The following MEGF8 variants were observed in gnomAD, a reference collection of about 807,000 sequenced individuals.
MEGF8 encodes multiple EGF like domains 8, also known as multiple epidermal growth factor-like domains protein 8.
MEGF8 carries 156 observed loss-of-function variants against 302.9 expected under a neutral mutation model. That is an observed-to-expected ratio of 0.52 (90% CI 0.45 to 0.59). MEGF8 has a LOEUF of 0.59. Among genes scored for constraint, MEGF8 ranks in the 20% least tolerant of loss-of-function variants. MEGF8 has a pLI of 0.00. For synonymous variants in MEGF8, 1,621 were observed against 1,660.5 expected, an observed-to-expected ratio of 0.98 and a Z score of 0.58; for missense variants, 3,345 against 3,964.5, an observed-to-expected ratio of 0.84 and a Z score of 4.20.
intron 35 of MEGF8, among the ~76,000 whole-genome samples, chr19:42,365,272 T>C (rs1676215): frequency 0.084 from 12,737 of 152,058 alleles, 682 homozygotes; most frequent in Middle Eastern, 0.17. Context: ...CTCTCGGTGC[T>C]TGCCAAGTTC....
chr19:42,341,447 A>G (rs1038553071), intron 8 of MEGF8, among the ~76,000 whole-genome samples: 8 of 151,646 alleles, frequency 5.3e-5, no homozygotes, highest in Admixed American at 3.3e-4. Context: ...AAAAAAAAAA[A>G]AAACACACAT....
In MEGF8 at chr19:42,375,562, A is replaced by C. The variant is rs759121016; in HGVS notation, c.7325A>C (p.Tyr2442Ser). 1.3e-6 allele frequency: 2 copies of C among 1,594,488 alleles called. No homozygotes were observed. Among genetic ancestry groups the C allele is most frequent in the Non-Finnish European group, 1.7e-6 (2 of 1,171,924 alleles). Residue 2442 changes from tyrosine (Y) to serine (S), a missense_variant, in exon 42 of 42, where the codon TAC (tyrosine) becomes TCC (serine). Coordinates refer to ENST00000251268, the MANE Select transcript of MEGF8 (RefSeq NM_001271938.2). This position sits in a 1 kb window ranked among gnomAD's most constrained non-coding sequence, Gnocchi z 7.1. ...AGTCCGCTGGGCGGCCAGCAGTGCT[A>C]CCGCCTCATCTCGGTGGAGCAGGAG... ...HGSPLGGQQC[Y>S]RLISVEQECC...
intron 1 of MEGF8, among the ~76,000 whole-genome samples, chr19:42,329,745 G>T (rs1043551738): frequency 3.3e-5 from 5 of 151,942 alleles, no homozygotes; most frequent in Non-Finnish European, 7.4e-5. Context: ...GGTGGCATGT[G>T]CCTATAGCTC....
At position 42,369,800 on chromosome 19, in the gene MEGF8, T is replaced by C; in HGVS notation, c.6834+77T>C. 7.0e-7 allele frequency: 1 copy of C among 1,434,848 alleles called. No homozygotes were observed. Among genetic ancestry groups the C allele is most frequent in the Non-Finnish European group, 9.4e-7 (1 of 1,067,500 alleles). 88.9% of individuals were successfully genotyped at this position (1,434,848 alleles called of 1,614,324 possible). A position where few individuals can be genotyped will look rare whatever the true frequency, so the allele number is the denominator to read the frequency against. On this transcript the variant is annotated intron_variant, in intron 38 of 41. Coordinates refer to ENST00000251268, the MANE Select transcript of MEGF8 (RefSeq NM_001271938.2). This position sits in a 1 kb window ranked among gnomAD's most constrained non-coding sequence, Gnocchi z 5.7. Reference sequence around the variant, plus strand: ...TGCCTTCATCCCACGCTCAGGCGGCTCGCATCTCATCCTGAGCCCTGATAA... The same window carrying C: ...TGCCTTCATCCCACGCTCAGGCGGCCCGCATCTCATCCTGAGCCCTGATAA...
chr19:42,339,756 C>T (rs1187773869), intron 8 of MEGF8, among the ~76,000 whole-genome samples: 1 of 152,166 alleles, frequency 6.6e-6, no homozygotes, highest in Admixed American at 6.6e-5. Flanking sequence ...AAACAACAAT[C>T]TGTATAAAAC....
Position 42,368,844 on chromosome 19 carries a change from G to T in MEGF8, c.6483G>T (p.Gly2161=). 6.2e-7 allele frequency: 1 copy of T among 1,613,516 alleles called. No homozygotes were observed. The highest frequency in any genetic ancestry group is 8.5e-7 in the Non-Finnish European group (1 of 1,179,734). ...MEGGLSGPRD[G]LTCGRPGASW... Reference sequence around the variant, plus strand: ...AAAATGCTATATCCCCGGTGCTAGGGCTGACATGTGGGCGTCCGGGGGCCT... The same window carrying T: ...AAAATGCTATATCCCCGGTGCTAGGTCTGACATGTGGGCGTCCGGGGGCCT... Residue 2161 remains glycine, a splice_region_variant and synonymous_variant, in exon 37 of 42, where the codon GGG becomes GGT. Coordinates refer to ENST00000251268, the MANE Select transcript of MEGF8 (RefSeq NM_001271938.2). The surrounding 1 kb of genome is among the most constrained non-coding windows in gnomAD (Gnocchi z 4.9).
rs1336609640 is a variant in MEGF8 at position 42,352,791 on chromosome 19, A to G, written c.3351-137A>G. On this transcript the variant is annotated intron_variant, in intron 19 of 41. Coordinates refer to ENST00000251268, the MANE Select transcript of MEGF8 (RefSeq NM_001271938.2). The surrounding 1 kb of genome is among the most constrained non-coding windows in gnomAD (Gnocchi z 4.4). ...GGTGATGCATGGAGTTACCTTGGAG[A>G]CAGGGTCACCCACATAGCCCAAAAC... 5.8e-6 allele frequency: 4 copies of G among 690,744 alleles called. No homozygotes were observed. In the East Asian group the frequency reaches 1.1e-4, roughly 19 times the overall value. 42.8% of individuals were successfully genotyped at this position (690,744 alleles called of 1,614,324 possible).
rs1232752544 is a variant in MEGF8 at position 42,375,401 on chromosome 19, C to A, written c.7270-106C>A. The A allele has an allele frequency of 6.0e-6, 7 of 1,171,336 alleles. No homozygotes were observed. Among genetic ancestry groups the A allele is most frequent in the Non-Finnish European group, 8.2e-6 (7 of 852,286 alleles). The allele number at this position is 1,171,336 out of a possible 1,614,324, so 72.6% of individuals were successfully genotyped here. On this transcript the variant is annotated intron_variant, in intron 41 of 41. Transcript: ENST00000251268. The surrounding 1 kb of genome is among the most constrained non-coding windows in gnomAD (Gnocchi z 7.1). ...GGGGCAGTGGGGGTGAGGCCCAGGG[C>A]AATGGCTACTTAGCAGTGGGTATAG...
intron 8 of MEGF8, 102 bp downstream of exon 8, chr19:42,337,308 A>G: frequency 6.5e-7 from 1 of 1,528,520 alleles, no homozygotes; most frequent in Non-Finnish European, 8.9e-7. Context: ...TGAGCCTGAC[A>G]TCCAGGCCAG....
intron 41 of MEGF8, 36 bp downstream of exon 41, chr19:42,371,518 C>T (rs1342256564): frequency 6.2e-7 from 1 of 1,612,818 alleles, no homozygotes; most frequent in Non-Finnish European, 8.5e-7. Flanking sequence ...GCCGAGGGCC[C>T]TACACCTTGT....
Position 42,348,470 on chromosome 19 carries a change from A to G in MEGF8, c.2296A>G (p.Met766Val). ...RMARGPDTEN[M>V]EEVGRWVAHQ... ...GGCCCGTGGCCCTGACACGGAGAAC[A>G]TGGTGAGGCCGCCTGGGACATTCAG... The change falls in exon 13 of 42, where the codon ATG becomes GTG. Residue 766 changes from methionine to valine, a missense_variant and splice_region_variant. Transcript: ENST00000251268. 1.3e-6 allele frequency: 2 copies of G among 1,516,360 alleles called. No individual in the cohort carries two copies. Among genetic ancestry groups the G allele is most frequent in the South Asian group, 1.2e-5 (1 of 82,920 alleles). The allele number at this position is 1,516,360 out of a possible 1,614,324, so 93.9% of individuals were successfully genotyped here.
intron 35 of MEGF8, among the ~76,000 whole-genome samples, chr19:42,367,401 G>C (rs1172445684): frequency 6.6e-6 from 1 of 150,838 alleles, no homozygotes; most frequent in East Asian, 2.0e-4. Flanking sequence ...CCATTCTCCT[G>C]CCTCAGCCTC....
intron 8 of MEGF8, among the ~76,000 whole-genome samples, chr19:42,338,265 A>G (rs1408835724): frequency 1.4e-5 from 2 of 146,118 alleles, no homozygotes; most frequent in Non-Finnish European, 3.0e-5. Flanking sequence ...TTGGGGATGG[A>G]GTCTTACTGT....
chr19:42,352,159 G>T lies in MEGF8; in HGVS notation c.3102-49G>T. 6.8e-7 allele frequency: 1 copy of T among 1,467,426 alleles called. No individual in the cohort carries two copies. Among genetic ancestry groups the T allele is most frequent in the Non-Finnish European group, 9.0e-7 (1 of 1,105,940 alleles). The allele number at this position is 1,467,426 out of a possible 1,614,324, so 90.9% of individuals were successfully genotyped here. A position where few individuals can be genotyped will look rare whatever the true frequency, so the allele number is the denominator to read the frequency against. On this transcript the variant is annotated intron_variant, in intron 18 of 41. Transcript: ENST00000251268. The surrounding 1 kb of genome is among the most constrained non-coding windows in gnomAD (Gnocchi z 4.4). The stretch of plus-strand genomic sequence containing the variant: ...CTCCCTGTCATTGTTTCTATGTATG[G>T]CTCCTGTTTCTATGTTGTCCCCCGC...
At chr19:42,370,676 G>A (rs1370386351) in intron 39 of MEGF8, 25 bp from the exon 40 acceptor site, 1 of 1,585,670 alleles carries the variant, frequency 6.3e-7, no homozygotes, top group Non-Finnish European at 8.6e-7. Flanking sequence ...GCCTTTCTAT[G>A]ATCACACTGT....
At chr19:42,364,335 C>T (rs149757429) in intron 35 of MEGF8, among the ~76,000 whole-genome samples, 1 of 152,286 alleles carries the variant, frequency 6.6e-6, no homozygotes, top group Admixed American at 6.5e-5. Flanking sequence ...CATTCACCTC[C>T]CACTGTCACA....
In MEGF8 at chr19:42,343,764, G is replaced by A. The variant is rs896871081; in HGVS notation, c.1668+133G>A. ...CCCTAGGACCATGAGAGAAGGGAAGGAGGTCCCTGGGGCAGAGGAAAGAGG... is the reference window on the plus strand; with the variant it reads ...CCCTAGGACCATGAGAGAAGGGAAGAAGGTCCCTGGGGCAGAGGAAAGAGG... On this transcript the variant is annotated intron_variant, in intron 9 of 41. Transcript: ENST00000251268. 20 of 1,365,944 alleles carry A rather than the reference G, an allele frequency of 1.5e-5. No homozygotes were observed. The African/African-American group carries it at 2.5e-4, about 17-fold the overall frequency. The allele number at this position is 1,365,944 out of a possible 1,614,324, so 84.6% of individuals were successfully genotyped here.
chr19:42,356,986 G>T lies in MEGF8; in HGVS notation c.4830+5G>T. 6.3e-7 allele frequency: 1 copy of T among 1,584,864 alleles called. No homozygotes were observed. Among genetic ancestry groups the T allele is most frequent in the Non-Finnish European group, 8.6e-7 (1 of 1,166,542 alleles). Reference sequence around the variant, plus strand: ...CTGCAATGGCGGCAGGAGAAGGTGAGCATCTCTCCCCAGCCCACTCCCCAG... The same window carrying T: ...CTGCAATGGCGGCAGGAGAAGGTGATCATCTCTCCCCAGCCCACTCCCCAG... On this transcript the variant is annotated splice_donor_5th_base_variant and intron_variant, in intron 27 of 41. Coordinates refer to ENST00000251268, the MANE Select transcript of MEGF8 (RefSeq NM_001271938.2). This position sits in a 1 kb window ranked among gnomAD's most constrained non-coding sequence, Gnocchi z 5.2.
chr19:42,363,631 C>T (rs1251304947), intron 35 of MEGF8, among the ~76,000 whole-genome samples: 3 of 152,154 alleles, frequency 2.0e-5, no homozygotes, highest in African/African-American at 7.2e-5. Flanking sequence ...ATCCACGACT[C>T]TTAATGCTTC....
Sources: gnomAD v4.1 joint callset for allele counts (sites outside exome capture counted in the v4.1 genomes callset) on GRCh38, gnomAD v4.1.1 for gene constraint, Gnocchi (gnomAD v3.1) non-coding constraint, MANE v1.5 for transcripts, NCBI Gene and HGNC (gene_info 2026-07-23, HGNC 2026-07-21) for gene names.